The following HIVEP3 variants were observed in gnomAD, a reference collection of about 807,000 sequenced individuals.
HIVEP3 encodes the protein transcription factor HIVEP3.
Under a neutral mutation model 152.8 loss-of-function variants are expected in HIVEP3, and 49 were observed. That is an observed-to-expected ratio of 0.32 (90% CI 0.26 to 0.41). HIVEP3 has a LOEUF of 0.41. HIVEP3 is among the 10% of genes least tolerant of loss of function. The pLI, the probability that HIVEP3 is intolerant of heterozygous loss-of-function variation, is 1.00. For synonymous variants in HIVEP3, 1,269 were observed against 1,289.0 expected, an observed-to-expected ratio of 0.98 and a Z score of 0.33; for missense variants, 2,790 against 3,103.3, an observed-to-expected ratio of 0.90 and a Z score of 2.40.
chr1:41,751,428 C>G (rs1400942870), intron 1 of HIVEP3, among the ~76,000 whole-genome samples: 2 of 148,794 alleles, frequency 1.3e-5, no homozygotes, highest in Non-Finnish European at 3.0e-5. Context: ...CAGGGCTCAG[C>G]CCACGCATTT....
chr1:41,977,630 A>G (rs538468617), intron 1 of HIVEP3, among the ~76,000 whole-genome samples: 2 of 152,376 alleles, frequency 1.3e-5, no homozygotes, highest in East Asian at 3.8e-4. Flanking sequence ...ATCTGCGAAT[A>G]AAGCAGAGGT....
At position 41,513,690 on chromosome 1, in the gene HIVEP3, T is replaced by C; in HGVS notation, c.5531A>G (p.Glu1844Gly). 1.2e-6 allele frequency: 2 copies of C among 1,610,828 alleles called. No individual in the cohort carries two copies. Among genetic ancestry groups the C allele is most frequent in the Non-Finnish European group, 1.7e-6 (2 of 1,178,594 alleles). Residue 1844 changes from glutamate (E) to glycine (G), a missense_variant, in exon 8 of 9, where the codon GAG (glutamate) becomes GGG (glycine). This residue lies in a region of HIVEP3 where 816 missense variants were observed against 806.5 expected (regional missense o/e 1.01). Transcript: ENST00000372583. ...GTCCTCCAGGTCCGAAAACTGGTGC[T>C]CCTCCACAGCCTCTGAACCCTCTCG... ...EGREGSEAVEEHQFSDLEDSD... is the reference protein window; with the variant it reads ...EGREGSEAVEGHQFSDLEDSD...
rs147227415 is a variant in HIVEP3 at position 41,591,908 on chromosome 1, A to G, written c.-521-6590T>C. Among the ~76,000 whole-genome samples, 57 of 152,200 alleles carry G rather than the reference A, an allele frequency of 3.7e-4. 1 individual carries two copies. In the East Asian group the frequency reaches 0.01, roughly 28 times the overall value. On this transcript the variant is annotated intron_variant, in intron 3 of 8. Transcript: ENST00000372583. ...CCGACCCAACGAGAGCGGGCTGGGAAGTCTTCAAGCCAAACTAAAGACATT... is the reference window on the plus strand; with the variant it reads ...CCGACCCAACGAGAGCGGGCTGGGAGGTCTTCAAGCCAAACTAAAGACATT...
chr1:41,810,280 T>C (rs1369862721), intron 1 of HIVEP3, among the ~76,000 whole-genome samples: 1 of 152,194 alleles, frequency 6.6e-6, no homozygotes, highest in Non-Finnish European at 1.5e-5. Flanking sequence ...TTCAGTTGCT[T>C]ATCTCAAATA....
intron 1 of HIVEP3, among the ~76,000 whole-genome samples, chr1:41,767,973 G>A (rs889831884): frequency 6.6e-6 from 1 of 152,220 alleles, no homozygotes; most frequent in Non-Finnish European, 1.5e-5. Flanking sequence ...ATGAAGCCAT[G>A]ATGGATTGTA....
intron 1 of HIVEP3, among the ~76,000 whole-genome samples, chr1:41,835,249 T>C (rs1016294009): frequency 6.6e-6 from 1 of 152,182 alleles, no homozygotes; most frequent in Non-Finnish European, 1.5e-5. Context: ...AACAGAAATT[T>C]ATTTTTTTCA....
chr1:41,784,785 T>C (rs7517484), intron 1 of HIVEP3, among the ~76,000 whole-genome samples: 32,434 of 152,164 alleles, frequency 0.21, 8,406 homozygotes, highest in African/African-American at 0.62. Flanking sequence ...TCCGTTTACA[T>C]AGAAAAATGC....
At chr1:41,684,549 G>A (rs1021612229) in intron 2 of HIVEP3, among the ~76,000 whole-genome samples, 5 of 152,218 alleles carry the variant, frequency 3.3e-5, no homozygotes, top group Non-Finnish European at 5.9e-5. Flanking sequence ...ATGAGAGGAG[G>A]TGTAATTACT....
At chr1:41,840,626 A>G (rs927781610) in intron 1 of HIVEP3, among the ~76,000 whole-genome samples, 1 of 152,182 alleles carries the variant, frequency 6.6e-6, no homozygotes, top group Non-Finnish European at 1.5e-5. Flanking sequence ...CCCCATCACG[A>G]GACCCTACAT....
chr1:41,989,633 G>C (rs904470076), intron 1 of HIVEP3, among the ~76,000 whole-genome samples: 1 of 152,086 alleles, frequency 6.6e-6, no homozygotes, highest in Non-Finnish European at 1.5e-5. Flanking sequence ...CCTTATCTGT[G>C]TAGGCAAAAC....
intron 5 of HIVEP3, among the ~76,000 whole-genome samples, chr1:41,541,636 C>A (rs12120716): frequency 3.3e-5 from 5 of 152,068 alleles, no homozygotes; most frequent in African/African-American, 1.2e-4. Flanking sequence ...ATGGGTCATG[C>A]TCTCCAGGTC....
intron 1 of HIVEP3, among the ~76,000 whole-genome samples, chr1:41,910,277 T>C (rs898066805): frequency 2.6e-5 from 4 of 151,962 alleles, no homozygotes; most frequent in Non-Finnish European, 4.4e-5. Flanking sequence ...CAGCATCTTA[T>C]AAGTAGCTTC....
intron 1 of HIVEP3, among the ~76,000 whole-genome samples, chr1:41,771,864 A>C (rs1170134991): frequency 1.3e-5 from 2 of 151,916 alleles, no homozygotes; most frequent in East Asian, 3.9e-4. Context: ...ATGGGGTTTC[A>C]CCGTGTTAGC....
intron 1 of HIVEP3, among the ~76,000 whole-genome samples, chr1:41,948,880 C>T (rs1018304742): frequency 4.6e-5 from 7 of 152,034 alleles, no homozygotes; most frequent in Non-Finnish European, 8.8e-5. Flanking sequence ...GCCAAAAAAC[C>T]CCCTGCACTT....
chr1:41,741,804 A>T (rs1292983796), intron 1 of HIVEP3, among the ~76,000 whole-genome samples: 1 of 152,164 alleles, frequency 6.6e-6, no homozygotes, highest in African/African-American at 2.4e-5. Context: ...AGCAGCCTAA[A>T]CATCCCGATT....
chr1:41,545,566 CCACCACCACCACCACCATCACCAT>C (rs1558049087), intron 5 of HIVEP3, among the ~76,000 whole-genome samples: 1 of 32,732 alleles, frequency 3.1e-5, no homozygotes, highest in Admixed American at 2.7e-4. Flanking sequence ...ACTACCATCA[CCACCACCACCACCACCATCACCAT>C]CACCACCACC....
intron 2 of HIVEP3, among the ~76,000 whole-genome samples, chr1:41,674,690 A>G (rs1645928042): frequency 6.6e-6 from 1 of 152,162 alleles, no homozygotes; most frequent in Non-Finnish European, 1.5e-5. Context: ...GGCCACCAGG[A>G]TGGAATCCTC....
chr1:41,784,210 G>A lies in HIVEP3; in HGVS notation c.-800-83215C>T, dbSNP rs115694669. 8.4e-3 allele frequency among the ~76,000 whole-genome samples: 1,273 copies of A among 152,262 alleles called. 17 individuals carry two copies. Among genetic ancestry groups the A allele is most frequent in the African/African-American group, 0.029 (1,202 of 41,544 alleles). ...GATATGGAAGCCACTAGCCACTTGT[G>A]GCTATTGAAATGTGGCTAGGCCATA... On this transcript the variant is annotated intron_variant, in intron 1 of 8. Transcript: ENST00000372583.
intron 2 of HIVEP3, among the ~76,000 whole-genome samples, chr1:41,678,805 G>A (rs1645995922): frequency 6.6e-6 from 1 of 152,212 alleles, no homozygotes; most frequent in Non-Finnish European, 1.5e-5. Context: ...CTCCAGCCAG[G>A]AGGCCACACC....
Sources: allele counts gnomAD v4.1 joint callset (sites outside exome capture counted in the v4.1 genomes callset), GRCh38; gene constraint gnomAD v4.1.1; regional missense constraint gnomAD v4.1.1; transcripts MANE v1.5; gene names NCBI Gene and HGNC (gene_info 2026-07-23, HGNC 2026-07-21).